MED13L: variants seen among roughly 807,000 people sequenced by gnomAD.
The protein encoded by MED13L is mediator complex subunit 13L.
MED13L carries 7 observed loss-of-function variants against 220.9 expected under a neutral mutation model. The observed-to-expected ratio is 0.03, with a 90% CI of 0.02 to 0.06. The LOEUF (loss-of-function observed/expected upper bound fraction) is 0.06, where lower values mean the gene tolerates loss of function less well. MED13L is among the 10% of genes least tolerant of loss of function. The pLI, the probability that MED13L is intolerant of heterozygous loss-of-function variation, is 1.00. For synonymous variants in MED13L, 1,011 were observed against 1,015.2 expected, an observed-to-expected ratio of 1.00 and a Z score of 0.08; for missense variants, 1,965 against 2,760.5, an observed-to-expected ratio of 0.71 and a Z score of 6.46.
At chr12:116,142,474 G>A (rs1262779180) in intron 2 of MED13L, among the ~76,000 whole-genome samples, 2 of 152,116 alleles carry the variant, frequency 1.3e-5, no homozygotes, top group Non-Finnish European at 2.9e-5. Flanking sequence ...GCTCACCTGA[G>A]GGCAGGAGTT....
Position 116,079,411 on chromosome 12 carries a change from A to AG in MED13L, c.479+17257dup, listed in dbSNP as rs199911644. On this transcript the variant is annotated intron_variant, in intron 4 of 30. Coordinates refer to ENST00000281928, the MANE Select transcript of MED13L (RefSeq NM_015335.5). ...CTTTAACCTTTTGCAGAGATGGGGGAGGGGGGGTCTCACTATATTGCTCAG... is the reference window on the plus strand; with the variant it reads ...CTTTAACCTTTTGCAGAGATGGGGGAGGGGGGGGTCTCACTATATTGCTCAG... Among the ~76,000 whole-genome samples the AG allele has an allele frequency of 3.9e-3, 590 of 151,624 alleles. 4 individuals are homozygous for AG. The highest frequency in any genetic ancestry group is 0.011 in the African/African-American group (475 of 41,344).
intron 1 of MED13L, among the ~76,000 whole-genome samples, chr12:116,268,071 T>C (rs1872969939): frequency 1.3e-5 from 2 of 152,170 alleles, no homozygotes; most frequent in Admixed American, 6.5e-5. Flanking sequence ...TGGAGAATAA[T>C]CGTCCAGGAA....
At chr12:115,975,462 G>A in intron 24 of MED13L, 53 bp downstream of exon 24, 1 of 1,596,832 alleles carries the variant, frequency 6.3e-7, no homozygotes, top group Non-Finnish European at 8.6e-7. Context: ...ATTCATATTT[G>A]AGGAACGGTA....
intron 4 of MED13L, among the ~76,000 whole-genome samples, chr12:116,028,000 A>G (rs1163123022): frequency 2.6e-5 from 4 of 152,226 alleles, no homozygotes; most frequent in African/African-American, 9.6e-5. Flanking sequence ...CGGTGTTTTC[A>G]TACAAAGTCC....
intron 2 of MED13L, among the ~76,000 whole-genome samples, chr12:116,124,549 C>T (rs1253614679): frequency 6.6e-6 from 1 of 151,952 alleles, no homozygotes; most frequent in Non-Finnish European, 1.5e-5. Flanking sequence ...AATTTGTTTT[C>T]CTTAATATAA....
chr12:115,982,513 C>A lies in MED13L; in HGVS notation c.5046G>T (p.Val1682=). ...CCTCTGCAGCATACGTGAACGGGTCCACCATGTAAATGACAACAGCTGGAG... is the reference window on the plus strand; with the variant it reads ...CCTCTGCAGCATACGTGAACGGGTCAACCATGTAAATGACAACAGCTGGAG... ...AHPPAVVIYM[V]DPFTYAAEED... Residue 1682 remains valine, a synonymous_variant, in exon 22 of 31, where the codon GTG becomes GTT. Coordinates refer to ENST00000281928, the MANE Select transcript of MED13L (RefSeq NM_015335.5). The A allele has an allele frequency of 6.2e-7, 1 of 1,614,138 alleles. No individual in the cohort carries two copies. The highest frequency in any genetic ancestry group is 2.2e-5 in the East Asian group (1 of 44,860).
intron 2 of MED13L, among the ~76,000 whole-genome samples, chr12:116,183,820 A>ATGTGTGTG (rs57716114): frequency 0.066 from 9,679 of 146,500 alleles, 534 homozygotes; most frequent in East Asian, 0.18. Context: ...GTGTGTGTGT[A>ATGTGTGTG]TGTGTGTGTG....
intron 1 of MED13L, among the ~76,000 whole-genome samples, chr12:116,239,486 CTTA>C (rs1870417449): frequency 6.6e-6 from 1 of 152,146 alleles, no homozygotes; most frequent in Admixed American, 6.5e-5. Flanking sequence ...ATATTTTTCA[CTTA>C]TTTTTATATA....
intron 2 of MED13L, among the ~76,000 whole-genome samples, chr12:116,147,568 C>T (rs1234245956): frequency 1.3e-5 from 2 of 151,992 alleles, no homozygotes; most frequent in African/African-American, 4.8e-5. Flanking sequence ...ACAGAGCAGT[C>T]TTTAACTTAT....
chr12:116,214,095 T>C (rs1648771568), intron 2 of MED13L, among the ~76,000 whole-genome samples: 1 of 152,238 alleles, frequency 6.6e-6, no homozygotes, highest in African/African-American at 2.4e-5. Flanking sequence ...TGCAGCCATT[T>C]TCCTGTACTC....
intron 25 of MED13L, 23 bp from the exon 26 acceptor site, chr12:115,972,259 TAC>T (rs1245742417): frequency 2.5e-6 from 4 of 1,610,426 alleles, no homozygotes; most frequent in South Asian, 1.1e-5. Flanking sequence ...ATCGCAGTCA[TAC>T]ACAGTCTTTA....
chr12:115,980,595 A>G, intron 23 of MED13L, 155 bp downstream of exon 23: 1 of 808,530 alleles, frequency 1.2e-6, no homozygotes, highest in Non-Finnish European at 2.1e-6. Flanking sequence ...AAGTGCTAAG[A>G]CTACAGGTGT....
At chr12:116,005,784 C>T (rs1879010694) in intron 13 of MED13L, 85 bp downstream of exon 13, 2 of 1,558,764 alleles carry the variant, frequency 1.3e-6, no homozygotes, top group South Asian at 1.1e-5. Context: ...ATTCAGGACA[C>T]CAAACTATAA....
chr12:116,205,252 C>T (rs1882237117), intron 2 of MED13L, among the ~76,000 whole-genome samples: 1 of 151,950 alleles, frequency 6.6e-6, no homozygotes, highest in African/African-American at 2.4e-5. Flanking sequence ...CTATGTATTC[C>T]AACAATACAC....
chr12:116,154,694 ATTC>A lies in MED13L; in HGVS notation c.311-43185_311-43183del, dbSNP rs1274946017. On this transcript the variant is annotated intron_variant, in intron 2 of 30. Coordinates refer to ENST00000281928, the MANE Select transcript of MED13L (RefSeq NM_015335.5). Reference sequence around the variant, plus strand: ...TACCAACATAGCATAAAAGACACATATTCTTAACTTTTACTTTTTAAAATCTAT... The same window carrying A: ...TACCAACATAGCATAAAAGACACATATTAACTTTTACTTTTTAAAATCTAT... Among the ~76,000 whole-genome samples the A allele has an allele frequency of 3.3e-5, 5 of 152,360 alleles. No individual in the cohort carries two copies. The South Asian group carries it at 6.2e-4, about 19-fold the overall frequency.
intron 1 of MED13L, among the ~76,000 whole-genome samples, chr12:116,270,443 C>A (rs560362004): frequency 6.6e-6 from 1 of 152,190 alleles, no homozygotes; most frequent in South Asian, 2.1e-4. Flanking sequence ...CCACGCCCAG[C>A]TAGATAATCT....
At chr12:116,088,085 A>C (rs750764305) in intron 4 of MED13L, among the ~76,000 whole-genome samples, 18 of 152,116 alleles carry the variant, frequency 1.2e-4, no homozygotes, top group Non-Finnish European at 2.2e-4. Context: ...GAGGGGAAAG[A>C]GTTTACCACC....
At chr12:115,987,078 GA>G (rs1424645151) in intron 18 of MED13L, 30 bp downstream of exon 18, 1 of 1,610,962 alleles carries the variant, frequency 6.2e-7, no homozygotes, top group Non-Finnish European at 8.5e-7. Context: ...ACTGAAGTCA[GA>G]AGGAATTTTA....
Position 116,009,247 on chromosome 12 carries a change from A to G in MED13L, c.1281-115T>C, listed in dbSNP as rs563303700. The G allele has an allele frequency of 5.1e-4, 499 of 978,540 alleles. 3 individuals carry two copies. Among genetic ancestry groups the G allele is most frequent in the Middle Eastern group, 1.7e-3 (7 of 4,164 alleles). The allele number at this position is 978,540 out of a possible 1,614,324, so 60.6% of individuals were successfully genotyped here. ...TACTAATACATATAAAAGGGCTCTAAGTTTTTAATTATACTTATATAACTA... is the reference window on the plus strand; with the variant it reads ...TACTAATACATATAAAAGGGCTCTAGGTTTTTAATTATACTTATATAACTA... On this transcript the variant is annotated intron_variant, in intron 9 of 30. Coordinates refer to ENST00000281928, the MANE Select transcript of MED13L (RefSeq NM_015335.5).
Sources: allele counts gnomAD v4.1 joint callset (sites outside exome capture counted in the v4.1 genomes callset), GRCh38; gene constraint gnomAD v4.1.1; transcripts MANE v1.5; gene names NCBI Gene and HGNC (gene_info 2026-07-23, HGNC 2026-07-21).